Variants in ABCC1 observed in about 807,000 individuals in gnomAD.
ABCC1 encodes the protein multidrug resistance-associated protein 1.
ABCC1 carries 83 observed loss-of-function variants against 172.9 expected under a neutral mutation model. The ratio of observed to expected loss-of-function variants is 0.48; its 90% CI spans 0.40 to 0.58. The LOEUF is 0.58. Ranked by LOEUF, ABCC1 falls within the 20% of genes least tolerant of loss-of-function variation. ABCC1 has a pLI of 0.00. For synonymous variants in ABCC1, 937 were observed against 825.2 expected, an observed-to-expected ratio of 1.14 and a Z score of -2.32; for missense variants, 1,817 against 2,002.7, an observed-to-expected ratio of 0.91 and a Z score of 1.77.
chr16:16,004,049 T>C (rs2047427197), intron 1 of ABCC1, among the ~76,000 whole-genome samples: 2 of 151,862 alleles, frequency 1.3e-5, no homozygotes, highest in South Asian at 4.1e-4. Context: ...GATGGGTTCA[T>C]GGTTGGGTGA....
intron 1 of ABCC1, among the ~76,000 whole-genome samples, chr16:15,963,974 C>G (rs1306074997): frequency 6.6e-6 from 1 of 150,656 alleles, no homozygotes; most frequent in Non-Finnish European, 1.5e-5. Context: ...GATGGAGTCT[C>G]TCTCTGTTGC....
intron 1 of ABCC1, among the ~76,000 whole-genome samples, chr16:15,982,979 G>A (rs1044143024): frequency 7.2e-5 from 11 of 151,916 alleles, no homozygotes; most frequent in African/African-American, 2.7e-4. Flanking sequence ...ATACTATATA[G>A]CATGTTCATA....
At chr16:16,134,727 C>G (rs944209302) in intron 28 of ABCC1, among the ~76,000 whole-genome samples, 1 of 150,274 alleles carries the variant, frequency 6.7e-6, no homozygotes, top group African/African-American at 2.4e-5. Flanking sequence ...ACCTCCGTCT[C>G]CCAGGCTCAA....
intron 1 of ABCC1, among the ~76,000 whole-genome samples, chr16:15,979,755 T>A (rs1216557716): frequency 6.6e-6 from 1 of 152,124 alleles, no homozygotes; most frequent in Non-Finnish European, 1.5e-5. Flanking sequence ...CTATATTCAA[T>A]ATTCAAAGTG....
intron 18 of ABCC1, among the ~76,000 whole-genome samples, chr16:16,088,259 A>T (rs979045589): frequency 2.0e-5 from 3 of 152,124 alleles, no homozygotes; most frequent in Non-Finnish European, 4.4e-5. Flanking sequence ...AGCCTGGCCA[A>T]CATGGTGAAA....
At chr16:15,950,217 A>G (rs969554293) in intron 1 of ABCC1, among the ~76,000 whole-genome samples, 1 of 101,722 alleles carries the variant, frequency 9.8e-6, no homozygotes, top group African/African-American at 2.6e-5. Flanking sequence ...CTTTTCACGA[A>G]AAATACTCCG....
chr16:16,119,029 TG>T (rs1338393677), intron 23 of ABCC1, among the ~76,000 whole-genome samples: 1 of 152,202 alleles, frequency 6.6e-6, no homozygotes, highest in Non-Finnish European at 1.5e-5. Flanking sequence ...ATACAATTTA[TG>T]GTTGAGTAGT....
At chr16:16,138,956 C>T (rs1388762651) in intron 30 of ABCC1, among the ~76,000 whole-genome samples, 1 of 152,206 alleles carries the variant, frequency 6.6e-6, no homozygotes, top group Non-Finnish European at 1.5e-5. Context: ...GCGATCTGCC[C>T]GCCTCCGCCT....
At chr16:15,991,694 G>A (rs215072) in intron 1 of ABCC1, among the ~76,000 whole-genome samples, 10,807 of 152,156 alleles carry the variant, frequency 0.071, 412 homozygotes, top group Middle Eastern at 0.12. Flanking sequence ...CCACTTATGG[G>A]CTGTTCCTTC....
At chr16:16,039,879 A>C (rs2048905962) in intron 7 of ABCC1, among the ~76,000 whole-genome samples, 1 of 152,098 alleles carries the variant, frequency 6.6e-6, no homozygotes, top group South Asian at 2.1e-4. Context: ...CTCGTGGTGC[A>C]TCAGGGGGCT....
Position 16,121,944 on chromosome 16 carries a change from A to G in ABCC1, c.3391-31A>G, listed in dbSNP as rs182707823. On this transcript the variant is annotated intron_variant, in intron 23 of 30. Coordinates refer to ENST00000399410, the MANE Select transcript of ABCC1 (RefSeq NM_004996.4). The stretch of plus-strand genomic sequence containing the variant: ...GGGAGGATGGCAGGAGGGAACCTTC[A>G]TCAACTCCCCGCGTCTGTTCTCTAC... 617 of 1,612,138 alleles carry G rather than the reference A, an allele frequency of 3.8e-4. 5 individuals carry two copies. In the African/African-American group the frequency reaches 7.3e-3, roughly 19 times the overall value.
chr16:16,096,390 C>T (rs9936155), intron 19 of ABCC1, among the ~76,000 whole-genome samples: 33 of 152,302 alleles, frequency 2.2e-4, no homozygotes, highest in African/African-American at 7.2e-4. Flanking sequence ...AGAGTTTTCT[C>T]ATCTCCTGCC....
At chr16:15,956,521 A>C (rs2046001620) in intron 1 of ABCC1, among the ~76,000 whole-genome samples, 1 of 151,820 alleles carries the variant, frequency 6.6e-6, no homozygotes, top group Admixed American at 6.6e-5. Flanking sequence ...TTTTTGATAG[A>C]GATGGGGAGC....
Position 16,022,912 on chromosome 16 carries a change from GTTTTGTT to G in ABCC1, c.615+6302_615+6308del, listed in dbSNP as rs879550983. 2.5e-3 allele frequency among the ~76,000 whole-genome samples: 295 copies of G among 116,416 alleles called. 6 individuals carry two copies. Among genetic ancestry groups the G allele is most frequent in the Admixed American group, 0.024 (267 of 11,054 alleles). 76.4% of individuals were successfully genotyped at this position (116,416 alleles called of 152,430 possible). The stretch of plus-strand genomic sequence containing the variant: ...ATCAGCCAGCCAACCGGCTACTTTT[GTTTTGTT>G]TTTTGTTTTTGAGATAGGGTCTCAC... On this transcript the variant is annotated intron_variant, in intron 5 of 30. Coordinates refer to ENST00000399410, the MANE Select transcript of ABCC1 (RefSeq NM_004996.4).
rs373723461 is a variant in ABCC1, at chr16:16,114,466, G to A, written c.3080-300G>A. On this transcript the variant is annotated intron_variant, in intron 22 of 30. Coordinates refer to ENST00000399410, the MANE Select transcript of ABCC1 (RefSeq NM_004996.4). ...AGCAATTCCCTTGCCTCAGCCTCCCGAGTAGCTGGGATTACAGGCGCCAAC... is the reference window on the plus strand; with the variant it reads ...AGCAATTCCCTTGCCTCAGCCTCCCAAGTAGCTGGGATTACAGGCGCCAAC... 4.0e-5 allele frequency among the ~76,000 whole-genome samples: 6 copies of A among 151,632 alleles called. No homozygotes were observed. In the South Asian group the frequency reaches 6.3e-4, roughly 16 times the overall value.
At chr16:15,979,884 C>T (rs1323299499) in intron 1 of ABCC1, among the ~76,000 whole-genome samples, 1 of 152,100 alleles carries the variant, frequency 6.6e-6, no homozygotes, top group Admixed American at 6.6e-5. Flanking sequence ...TGACATTTTG[C>T]TGAGACTCGT....
intron 8 of ABCC1, among the ~76,000 whole-genome samples, chr16:16,045,232 T>G (rs973307949): frequency 6.6e-6 from 1 of 151,832 alleles, no homozygotes; most frequent in Non-Finnish European, 1.5e-5. Flanking sequence ...TAAAACCATC[T>G]GCTAAAAATA....
Position 16,087,031 on chromosome 16 carries a change from C to T in ABCC1, c.2460+40C>T, listed in dbSNP as rs200278208. On this transcript the variant is annotated intron_variant, in intron 18 of 30. Transcript: ENST00000399410. The stretch of plus-strand genomic sequence containing the variant: ...GGTGGGGCTTGGTGTTGGGCCGTCT[C>T]GCCCTTTGGTTAAGTCAGAACGTGT... 15 of 1,610,690 alleles carry T rather than the reference C, an allele frequency of 9.3e-6. 1 individual carries two copies. Among genetic ancestry groups the T allele is most frequent in the Middle Eastern group, 1.7e-4 (1 of 5,772 alleles).
chr16:16,025,257 C>G (rs2048332536), intron 5 of ABCC1, among the ~76,000 whole-genome samples: 1 of 152,164 alleles, frequency 6.6e-6, no homozygotes, highest in Non-Finnish European at 1.5e-5. Context: ...CACAGTAGGG[C>G]AGGATGATCA....
Sources: gnomAD v4.1 joint callset for allele counts (sites outside exome capture counted in the v4.1 genomes callset) on GRCh38, gnomAD v4.1.1 for gene constraint, MANE v1.5 for transcripts, NCBI Gene and HGNC (gene_info 2026-07-23, HGNC 2026-07-21) for gene names.